The following DCC variants were observed in gnomAD, a reference collection of about 807,000 sequenced individuals.
DCC encodes DCC netrin 1 receptor, also known as netrin receptor DCC.
A neutral mutation model predicts 172.5 loss-of-function variants in DCC; 58 were observed. The ratio of observed to expected loss-of-function variants is 0.34; its 90% CI spans 0.27 to 0.42. The LOEUF is 0.42. DCC is among the 10% of genes least tolerant of loss of function. DCC has a pLI of 1.00. For missense variants in DCC, 1,740 were observed against 1,791.0 expected (o/e 0.97, Z 0.51); for synonymous variants, 709 against 644.5 (o/e 1.10, Z -1.52).
intron 1 of DCC, among the ~76,000 whole-genome samples, chr18:52,538,370 C>G (rs2032344170): frequency 6.6e-6 from 1 of 152,190 alleles, no homozygotes. Flanking sequence ...ATTTTTACTT[C>G]TCTGAACATC....
intron 7 of DCC, among the ~76,000 whole-genome samples, chr18:53,113,095 A>G (rs923900090): frequency 1.3e-5 from 2 of 151,456 alleles, no homozygotes; most frequent in Non-Finnish European, 3.0e-5. Flanking sequence ...AAATCCCATT[A>G]AAGTATATTT....
intron 2 of DCC, among the ~76,000 whole-genome samples, chr18:52,850,788 T>G (rs1216552884): frequency 6.6e-6 from 1 of 152,124 alleles, no homozygotes. Flanking sequence ...ATTGTGTTTT[T>G]CTAAGAAAAT....
chr18:53,191,256 G>C (rs2055362547), intron 9 of DCC, among the ~76,000 whole-genome samples: 1 of 152,098 alleles, frequency 6.6e-6, no homozygotes, highest in Middle Eastern at 3.2e-3. Context: ...TGTTAATTTT[G>C]ATGGTATGGT....
chr18:52,584,680 C>A (rs2033629795), intron 1 of DCC, among the ~76,000 whole-genome samples: 1 of 152,026 alleles, frequency 6.6e-6, no homozygotes, highest in Non-Finnish European at 1.5e-5. Context: ...GGACTACAGG[C>A]ACACATGCAC....
intron 1 of DCC, among the ~76,000 whole-genome samples, chr18:52,509,351 C>G (rs2031349402): frequency 6.6e-6 from 1 of 151,952 alleles, no homozygotes; most frequent in Admixed American, 6.6e-5. Context: ...TCACTTGTTT[C>G]CCTTTACTTT....
At chr18:52,995,382 A>C (rs2145629728) in intron 5 of DCC, among the ~76,000 whole-genome samples, 1 of 152,208 alleles carries the variant, frequency 6.6e-6, no homozygotes, top group East Asian at 1.9e-4. Context: ...GCAGCCCCAT[A>C]ATCTTGAGAA....
chr18:52,641,486 G>C (rs531446434), intron 1 of DCC, among the ~76,000 whole-genome samples: 1 of 152,084 alleles, frequency 6.6e-6, no homozygotes, highest in Non-Finnish European at 1.5e-5. Context: ...CTAACATCCA[G>C]AATCTACAAT....
intron 14 of DCC, among the ~76,000 whole-genome samples, chr18:53,339,045 C>G (rs1276961107): frequency 6.6e-6 from 1 of 152,192 alleles, no homozygotes; most frequent in East Asian, 1.9e-4. Context: ...AAGGGAAACT[C>G]AGAGAAGTGA....
chr18:53,415,498 A>G (rs1910258296), intron 20 of DCC, among the ~76,000 whole-genome samples: 1 of 152,200 alleles, frequency 6.6e-6, no homozygotes, highest in Non-Finnish European at 1.5e-5. Flanking sequence ...GCAGAAAAAA[A>G]AAGTCATCTT....
chr18:53,180,305 G>A (rs976515288), intron 9 of DCC, among the ~76,000 whole-genome samples: 1 of 152,268 alleles, frequency 6.6e-6, no homozygotes, highest in Non-Finnish European at 1.5e-5. Context: ...AGTTGTGCAA[G>A]TACTACAAAT....
intron 1 of DCC, among the ~76,000 whole-genome samples, chr18:52,658,143 G>T (rs2035289609): frequency 6.6e-6 from 1 of 152,186 alleles, no homozygotes; most frequent in Admixed American, 6.5e-5. Context: ...TATCACAAAT[G>T]AAGGGAAAGC....
intron 7 of DCC, among the ~76,000 whole-genome samples, chr18:53,075,590 G>T (rs941829578): frequency 6.7e-6 from 1 of 149,564 alleles, no homozygotes; most frequent in African/African-American, 2.5e-5. Flanking sequence ...AAGCGGAAGA[G>T]AAGAATGCTG....
chr18:52,395,391 G>A (rs1598781851), intron 1 of DCC, among the ~76,000 whole-genome samples: 1 of 152,002 alleles, frequency 6.6e-6, no homozygotes, highest in Admixed American at 6.6e-5. Flanking sequence ...GGTATTGCTC[G>A]GTATGTGGGT....
intron 7 of DCC, among the ~76,000 whole-genome samples, chr18:53,091,067 A>T (rs2043000645): frequency 6.6e-6 from 1 of 152,100 alleles, no homozygotes; most frequent in Non-Finnish European, 1.5e-5. Flanking sequence ...CAAGGAAATC[A>T]ATCCCAGCAA....
At chr18:53,334,325 C>G (rs748190594) in intron 14 of DCC, among the ~76,000 whole-genome samples, 26 of 152,178 alleles carry the variant, frequency 1.7e-4, no homozygotes, top group Non-Finnish European at 3.1e-4. Flanking sequence ...AACCTAACTT[C>G]TTACTTATCT....
At chr18:52,784,931 G>A (rs868436918) in intron 2 of DCC, among the ~76,000 whole-genome samples, 2 of 138,950 alleles carry the variant, frequency 1.4e-5, no homozygotes, top group South Asian at 5.0e-4. Flanking sequence ...AGAAGAGAAG[G>A]GGGGAGAGAG....
At chr18:52,654,595 C>T (rs1468316444) in intron 1 of DCC, among the ~76,000 whole-genome samples, 1 of 152,144 alleles carries the variant, frequency 6.6e-6, no homozygotes, top group East Asian at 1.9e-4. Context: ...CAAATTTTCT[C>T]TTCTTCTAAA....
chr18:52,660,512 A>G (rs2035339840), intron 1 of DCC, among the ~76,000 whole-genome samples: 1 of 152,182 alleles, frequency 6.6e-6, no homozygotes, highest in Non-Finnish European at 1.5e-5. Context: ...TGAAAAGTCA[A>G]TCTAAAAGAG....
chr18:53,353,454 A>G (rs1490453069), intron 15 of DCC, among the ~76,000 whole-genome samples: 1 of 152,138 alleles, frequency 6.6e-6, no homozygotes, highest in Non-Finnish European at 1.5e-5. Flanking sequence ...AAAATAACGT[A>G]TTGTCTAACT....
Sources: gnomAD v4.1 joint callset for allele counts (sites outside exome capture counted in the v4.1 genomes callset) on GRCh38, gnomAD v4.1.1 for gene constraint, MANE v1.5 for transcripts, NCBI Gene and HGNC (gene_info 2026-07-23, HGNC 2026-07-21) for gene names.